POC1B: variants seen among roughly 807,000 people sequenced by gnomAD.
POC1B encodes the protein POC1 centriolar protein homolog B.
Under a neutral mutation model 60.6 loss-of-function variants are expected in POC1B, and 44 were observed. The observed-to-expected ratio is 0.73, with a 90% CI of 0.57 to 0.93. The LOEUF (loss-of-function observed/expected upper bound fraction) is 0.93, where lower values mean the gene tolerates loss of function less well. Ranked by LOEUF, POC1B falls within the 40% of genes least tolerant of loss-of-function variation. The pLI is 0.00. For missense variants in POC1B, 555 were observed against 572.3 expected (o/e 0.97, Z 0.31); for synonymous variants, 180 against 198.9 (o/e 0.90, Z 0.80).
chr12:89,512,683 C>T (rs910079272), intron 2 of POC1B, among the ~76,000 whole-genome samples: 15 of 152,256 alleles, frequency 9.9e-5, no homozygotes, highest in Middle Eastern at 3.4e-3. Context: ...TGGAGCTTGA[C>T]CAGGAGGTCA....
intron 2 of POC1B, among the ~76,000 whole-genome samples, chr12:89,505,560 C>T (rs918003973): frequency 6.6e-6 from 1 of 152,122 alleles, no homozygotes; most frequent in Non-Finnish European, 1.5e-5. Context: ...ATGTGGATGG[C>T]AGGGAGGGAG....
intron 10 of POC1B, among the ~76,000 whole-genome samples, chr12:89,436,723 A>C (rs968452486): frequency 1.3e-5 from 2 of 152,098 alleles, no homozygotes; most frequent in East Asian, 1.9e-4. Context: ...CAAAAAAAAA[A>C]CAACCAAAAA....
the POC1B span, among the ~76,000 whole-genome samples, chr12:89,408,486 G>GTT: frequency 4.7e-4 from 64 of 136,280 alleles, 1 homozygote; most frequent in Middle Eastern, 3.8e-3. Context: ...CTGACTTCTG[G>GTT]TTTTTTTTTT....
chr12:89,410,823 C>G, the POC1B span, among the ~76,000 whole-genome samples: 1 of 152,144 alleles, frequency 6.6e-6, no homozygotes, highest in African/African-American at 2.4e-5. Context: ...AAAGAAGAAG[C>G]CAAATTATCT....
chr12:89,482,925 CTTTT>C (rs1206589521), intron 4 of POC1B, among the ~76,000 whole-genome samples: 2 of 138,584 alleles, frequency 1.4e-5, no homozygotes, highest in Non-Finnish European at 3.2e-5. Context: ...TAACGCTATT[CTTTT>C]TTTTTTTTTT....
At chr12:89,430,725 G>A (rs918333826) in intron 10 of POC1B, among the ~76,000 whole-genome samples, 5 of 151,946 alleles carry the variant, frequency 3.3e-5, no homozygotes, top group Admixed American at 6.6e-5. Flanking sequence ...TTACATATCC[G>A]TATTCCCCAT....
chr12:89,504,709 C>T (rs1051369280), intron 2 of POC1B, among the ~76,000 whole-genome samples: 1 of 151,950 alleles, frequency 6.6e-6, no homozygotes, highest in Non-Finnish European at 1.5e-5. Flanking sequence ...TGAGAGATAC[C>T]ACTAACCAAG....
the POC1B span, among the ~76,000 whole-genome samples, chr12:89,405,837 C>G: frequency 1.3e-5 from 2 of 151,766 alleles, no homozygotes; most frequent in Non-Finnish European, 2.9e-5. Flanking sequence ...CATCAGTAGT[C>G]CCAGATACTT....
Position 89,497,231 on chromosome 12 carries a change from T to C in POC1B, c.212A>G (p.His71Arg), listed in dbSNP as rs760358923. 13 of 1,613,940 alleles carry C rather than the reference T, an allele frequency of 8.1e-6. No homozygotes were observed. Among genetic ancestry groups the C allele is most frequent in the South Asian group, 1.1e-5 (1 of 91,072 alleles). The change falls in exon 3 of 12, where the codon CAT (histidine) becomes CGT (arginine). Residue 71 changes from histidine (H) to arginine (R), a missense_variant. His to Arg is a conservative substitution (Grantham distance 29, BLOSUM62 0). Coordinates refer to ENST00000313546, the MANE Select transcript of POC1B (RefSeq NM_172240.3). Reference sequence around the variant, plus strand: ...TGAGGCAGACGCCAATAAGTTTCCATGTGGAGAAAACTGCACGCTGGTTAC... The same window carrying C: ...TGAGGCAGACGCCAATAAGTTTCCACGTGGAGAAAACTGCACGCTGGTTAC... Reference protein sequence around the residue: ...DVVTSVQFSPHGNLLASASRD... With the variant: ...DVVTSVQFSPRGNLLASASRD...
At chr12:89,496,729 G>T (rs1397788735) in intron 3 of POC1B, among the ~76,000 whole-genome samples, 1 of 152,048 alleles carries the variant, frequency 6.6e-6, no homozygotes, top group African/African-American at 2.4e-5. Context: ...GAAAATTCTG[G>T]ACCCCGATAA....
At chr12:89,462,226 T>C (rs1882508849) in intron 9 of POC1B, among the ~76,000 whole-genome samples, 1 of 151,860 alleles carries the variant, frequency 6.6e-6, no homozygotes, top group Non-Finnish European at 1.5e-5. Flanking sequence ...GCTGAGGGGG[T>C]GATATGGTTA....
intron 11 of POC1B, 57 bp downstream of exon 11, chr12:89,425,103 GA>G: frequency 1.3e-6 from 2 of 1,543,030 alleles, no homozygotes; most frequent in South Asian, 2.3e-5. Flanking sequence ...GCTGTATCCA[GA>G]ATTGTTTTGT....
chr12:89,502,340 G>A (rs1217684935), intron 2 of POC1B: 28 of 1,611,872 alleles, frequency 1.7e-5, no homozygotes, highest in Non-Finnish European at 2.3e-5. Flanking sequence ...AAGAGAACAC[G>A]TTTGAAACCT....
intron 10 of POC1B, among the ~76,000 whole-genome samples, chr12:89,436,871 G>T (rs1881292027): frequency 6.6e-6 from 1 of 152,132 alleles, no homozygotes; most frequent in South Asian, 2.1e-4. Flanking sequence ...CACCCTGTGG[G>T]ACCAAGTGTC....
At chr12:89,438,737 A>T (rs1303741543) in intron 10 of POC1B, among the ~76,000 whole-genome samples, 1 of 152,188 alleles carries the variant, frequency 6.6e-6, no homozygotes, top group East Asian at 1.9e-4. Context: ...TTCTAATTCT[A>T]TACTTTCTAC....
At chr12:89,464,483 G>GTTTT (rs766668019) in intron 9 of POC1B, among the ~76,000 whole-genome samples, 2,080 of 94,700 alleles carry the variant, frequency 0.022, 68 homozygotes, top group Middle Eastern at 0.037. Context: ...TTTTATAAGA[G>GTTTT]TTTTTTTTTT....
intron 2 of POC1B, among the ~76,000 whole-genome samples, chr12:89,519,057 G>A (rs1870632929): frequency 6.6e-6 from 1 of 152,102 alleles, no homozygotes; most frequent in African/African-American, 2.4e-5. Flanking sequence ...GGAAATATGA[G>A]GATATGTGGT....
chr12:89,417,433 C>T (rs946344180), downstream of POC1B, among the ~76,000 whole-genome samples: 3 of 152,228 alleles, frequency 2.0e-5, no homozygotes, highest in Non-Finnish European at 2.9e-5. Flanking sequence ...TCCCCTTGCA[C>T]TCCCTTCAGG....
Position 89,421,142 on chromosome 12 carries a change from G to T in POC1B, c.*11C>A. On this transcript the variant is annotated 3_prime_UTR_variant, in exon 12 of 12. Coordinates refer to ENST00000313546, the MANE Select transcript of POC1B (RefSeq NM_172240.3). The stretch of plus-strand genomic sequence containing the variant: ...GGGCCTCTGCCCAACAAATGAAAAT[G>T]AATTTTTTATTCAGCTTTTCTGTTG... 2 of 1,568,614 alleles carry T rather than the reference G, an allele frequency of 1.3e-6. No individual in the cohort carries two copies. Among genetic ancestry groups the T allele is most frequent in the Non-Finnish European group, 1.7e-6 (2 of 1,146,496 alleles).
Sources: allele counts gnomAD v4.1 joint callset (sites outside exome capture counted in the v4.1 genomes callset), GRCh38; gene constraint gnomAD v4.1.1; transcripts MANE v1.5; gene names NCBI Gene and HGNC (gene_info 2026-07-23, HGNC 2026-07-21).